DNAH14: variants seen among roughly 807,000 people sequenced by gnomAD.
The protein encoded by DNAH14 is axonemal beta dynein heavy chain 14.
Under a neutral mutation model 520.9 loss-of-function variants are expected in DNAH14, and 478 were observed. The observed-to-expected ratio is 0.92, with a 90% CI of 0.85 to 0.99. DNAH14 has a LOEUF of 0.99. Ranked by LOEUF, DNAH14 falls within the 50% of genes least tolerant of loss-of-function variation. The pLI is 0.00. For missense variants in DNAH14, 4,831 were observed against 5,234.5 expected (o/e 0.92, Z 2.38); for synonymous variants, 1,581 against 1,757.2 (o/e 0.90, Z 2.51).
intron 79 of DNAH14, among the ~76,000 whole-genome samples, chr1:225,378,194 G>A (rs1321384901): frequency 6.6e-6 from 1 of 151,750 alleles, no homozygotes; most frequent in African/African-American, 2.4e-5. Flanking sequence ...GCTTATTAAT[G>A]TCCCTTTGGT....
chr1:225,058,366 T>A (rs1156329556), intron 17 of DNAH14, among the ~76,000 whole-genome samples: 1 of 152,160 alleles, frequency 6.6e-6, no homozygotes, highest in Non-Finnish European at 1.5e-5. Context: ...TCTGTGGGAT[T>A]GGTGGTGATA....
At chr1:225,085,830 A>G in intron 21 of DNAH14, 41 bp downstream of exon 21, 1 of 1,475,164 alleles carries the variant, frequency 6.8e-7, no homozygotes. Flanking sequence ...CTTTTTCTGT[A>G]GTTTTATTTA....
intron 8 of DNAH14, among the ~76,000 whole-genome samples, chr1:224,988,944 CT>C (rs1160369188): frequency 6.6e-6 from 1 of 152,206 alleles, no homozygotes; most frequent in East Asian, 1.9e-4. Context: ...CTGAACTCTT[CT>C]TTTTTATCAG....
intron 1 of DNAH14, 46 bp downstream of exon 1, chr1:224,929,881 CG>C (rs2058561248): frequency 1.6e-6 from 1 of 618,868 alleles, no homozygotes; most frequent in South Asian, 1.8e-5. Context: ...AGAGCCTCGG[CG>C]GGCGGGCGGC....
chr1:225,080,690 A>C lies in DNAH14; in HGVS notation c.3078A>C (p.Val1026=). 1 of 1,550,576 alleles carries C rather than the reference A, an allele frequency of 6.4e-7. No homozygotes were observed. Among genetic ancestry groups the C allele is most frequent in the South Asian group, 1.2e-5 (1 of 83,854 alleles). Residue 1026 remains valine, a synonymous_variant, in exon 19 of 86, where the codon GTA becomes GTC. Coordinates refer to ENST00000682510, the MANE Select transcript of DNAH14 (RefSeq NM_001367479.1). ...WRNSSLQSID[V]ESVQRNVSKL... ...ATAGTTCTCTTCAAAGTATTGATGT[A>C]GAATCAGTACAGAGAAATGTTTCAA...
At chr1:225,151,683 G>A (rs948908680) in intron 31 of DNAH14, among the ~76,000 whole-genome samples, 2 of 152,208 alleles carry the variant, frequency 1.3e-5, no homozygotes, top group African/African-American at 4.8e-5. Flanking sequence ...CTTCCAGGCA[G>A]AGCTCTTTTA....
intron 54 of DNAH14, among the ~76,000 whole-genome samples, chr1:225,287,899 G>T (rs2093784106): frequency 6.6e-6 from 1 of 152,060 alleles, no homozygotes; most frequent in Admixed American, 6.6e-5. Flanking sequence ...AGAAAACAAA[G>T]AAATAAAGTG....
At chr1:225,371,199 A>G (rs887810489) in intron 77 of DNAH14, among the ~76,000 whole-genome samples, 12 of 152,184 alleles carry the variant, frequency 7.9e-5, no homozygotes, top group African/African-American at 2.9e-4. Context: ...TCAGGATTTG[A>G]GATGTAAAAA....
rs1475163069 is a variant in DNAH14, at chr1:225,043,912, T to A, written c.1841T>A (p.Phe614Tyr). The change falls in exon 15 of 86, where the codon TTT becomes TAT. Residue 614 changes from phenylalanine (F) to tyrosine (Y), a missense_variant. Transcript: ENST00000682510. The stretch of plus-strand genomic sequence containing the variant: ...TTTCCAGAATTTCCTACAAATCTCT[T>A]TATAGATCCCAACAGATTGGAGTTT... Reference protein sequence around the residue: ...YEFPEFPTNLFIDPNRLEFSV... With the variant: ...YEFPEFPTNLYIDPNRLEFSV... 6.5e-7 allele frequency: 1 copy of A among 1,528,708 alleles called. No homozygotes were observed. Among genetic ancestry groups the A allele is most frequent in the South Asian group, 1.2e-5 (1 of 81,478 alleles). 94.7% of individuals were successfully genotyped at this position (1,528,708 alleles called of 1,614,324 possible). A position where few individuals can be genotyped will look rare whatever the true frequency, so the allele number is the denominator to read the frequency against.
intron 60 of DNAH14, among the ~76,000 whole-genome samples, chr1:225,315,915 C>T (rs1418484847): frequency 1.3e-5 from 2 of 152,222 alleles, no homozygotes; most frequent in Admixed American, 1.3e-4. Flanking sequence ...CAGGGACCCA[C>T]TTGAGGCAGT....
chr1:225,040,633 T>G (rs1245032131), intron 12 of DNAH14, among the ~76,000 whole-genome samples: 1 of 152,212 alleles, frequency 6.6e-6, no homozygotes, highest in Non-Finnish European at 1.5e-5. Context: ...TATTTTCAGT[T>G]TTTGTTTTTG....
intron 12 of DNAH14, among the ~76,000 whole-genome samples, chr1:225,039,403 T>A (rs2067246223): frequency 7.6e-6 from 1 of 130,904 alleles, no homozygotes; most frequent in Non-Finnish European, 1.8e-5. Flanking sequence ...TATTTTTTTT[T>A]AGAATTGCCC....
chr1:225,143,188 TGGAAAG>T (rs1200520234), intron 28 of DNAH14, among the ~76,000 whole-genome samples: 1 of 152,012 alleles, frequency 6.6e-6, no homozygotes, highest in Non-Finnish European at 1.5e-5. Context: ...GGAACACTAA[TGGAAAG>T]GGAAAGGCTC....
intron 17 of DNAH14, among the ~76,000 whole-genome samples, chr1:225,066,235 C>A (rs2070871839): frequency 6.6e-6 from 1 of 151,676 alleles, no homozygotes; most frequent in African/African-American, 2.4e-5. Context: ...ATAAATTATC[C>A]CCTTATCAGA....
chr1:225,151,782 T>G (rs2080524830), intron 31 of DNAH14: 2 of 643,988 alleles, frequency 3.1e-6, no homozygotes, highest in African/African-American at 3.7e-5. Flanking sequence ...GAAACATCTT[T>G]GGACATAATC....
chr1:224,969,710 T>A (rs2061393710), intron 7 of DNAH14: 1 of 256,748 alleles, frequency 3.9e-6, no homozygotes, highest in South Asian at 1.5e-4. Context: ...TTCATGAACA[T>A]TTATTAGTTC....
intron 27 of DNAH14, among the ~76,000 whole-genome samples, chr1:225,124,850 C>T (rs2077574722): frequency 6.6e-6 from 1 of 152,112 alleles, no homozygotes; most frequent in African/African-American, 2.4e-5. Flanking sequence ...TCTATGGAAG[C>T]TATAGCCTTA....
Position 225,152,051 on chromosome 1 carries a change from G to C in DNAH14, c.4987G>C (p.Val1663Leu). 1 of 1,550,628 alleles carries C rather than the reference G, an allele frequency of 6.4e-7. No homozygotes were observed. The highest frequency in any genetic ancestry group is 8.7e-7 in the Non-Finnish European group (1 of 1,146,674). The change falls in exon 32 of 86, where the codon GTA becomes CTA. Residue 1663 changes from valine (V) to leucine (L), a missense_variant. Physicochemically the swap from Val to Leu is conservative, Grantham distance 32 (BLOSUM62 1). Coordinates refer to ENST00000682510, the MANE Select transcript of DNAH14 (RefSeq NM_001367479.1). ...AATTCGTATCAATATGTCTTGTGCGGTATTTATCACCATGAATCCCAGGTA... is the reference window on the plus strand; with the variant it reads ...AATTCGTATCAATATGTCTTGTGCGCTATTTATCACCATGAATCCCAGGTA... ...KEIRINMSCA[V>L]FITMNPRYGG...
At chr1:225,143,961 A>G (rs1004247310) in intron 28 of DNAH14, among the ~76,000 whole-genome samples, 1 of 152,202 alleles carries the variant, frequency 6.6e-6, no homozygotes. Flanking sequence ...CAATTTCTAC[A>G]AAGTTCAATT....
Sources: allele counts gnomAD v4.1 joint callset (sites outside exome capture counted in the v4.1 genomes callset), GRCh38; gene constraint gnomAD v4.1.1; transcripts MANE v1.5; gene names NCBI Gene and HGNC (gene_info 2026-07-23, HGNC 2026-07-21).